Variants in POLE observed in about 807,000 individuals in gnomAD.
POLE encodes the protein DNA polymerase epsilon, catalytic subunit.
POLE carries 188 observed loss-of-function variants against 279.2 expected under a neutral mutation model. The observed-to-expected ratio is 0.67, with a 90% CI of 0.60 to 0.76. POLE has a LOEUF of 0.76. POLE is among the 30% of genes least tolerant of loss of function. The pLI, the probability that POLE is intolerant of heterozygous loss-of-function variation, is 0.00. For synonymous variants in POLE, 1,214 were observed against 1,172.5 expected (o/e 1.04, Z -0.72); for missense variants, 2,703 against 3,016.7 (o/e 0.90, Z 2.44).
At chr12:132,680,840 C>T (rs941086316) in intron 2 of POLE, among the ~76,000 whole-genome samples, 153 bp from the exon 3 acceptor site, 3 of 152,166 alleles carry the variant, frequency 2.0e-5, no homozygotes, top group African/African-American at 7.2e-5. Context: ...CAGCCTTATT[C>T]ACAAGAACCA....
In POLE at chr12:132,680,188, G is replaced by A. The variant is rs878854860; in HGVS notation, c.320C>T (p.Ala107Val). 1.3e-5 allele frequency: 21 copies of A among 1,613,864 alleles called. No homozygotes were observed. Among genetic ancestry groups the A allele is most frequent in the Non-Finnish European group, 1.6e-5 (19 of 1,179,862 alleles). The part of the protein sequence containing the change: ...ALPYKPYFYI[A>V]TRKGCEREVS... ...ATGAAACACACTCACCTTTCTGGTC[G>A]CAATGTAGAAATACGGTTTATAGGG... Residue 107 changes from alanine to valine, a missense_variant, in exon 4 of 49, where the codon GCG becomes GTG. By Grantham distance (64) the Ala-to-Val change is moderately conservative. Transcript: ENST00000320574.
In POLE at chr12:132,624,781, C is replaced by G. The variant is rs540203276; in HGVS notation, c.6777G>C (p.Arg2259=). ...ACATGCCGTAGTGCTGGGCAATGTT[C>G]CGGAATATTCCGATCTGTTCCATGA... is the stretch of plus-strand genomic sequence containing the variant. ...QVFMEQIGIF[R]NIAQHYGMSY... is the part of the protein sequence containing the mutation. Residue 2259 remains arginine (R), a synonymous_variant, in exon 49 of 49, where the codon CGG becomes CGC. Coordinates refer to ENST00000320574, the MANE Select transcript of POLE (RefSeq NM_006231.4). 1 of 1,613,376 alleles carries G rather than the reference C, an allele frequency of 6.2e-7. No homozygotes were observed.
Position 132,632,731 on chromosome 12 carries a change from G to T in POLE, c.6069C>A (p.Thr2023=), listed in dbSNP as rs747547378. Residue 2023 remains threonine, a synonymous_variant, in exon 44 of 49, where the codon ACC becomes ACA. Transcript: ENST00000320574. ...GGCTGGCCCCCCTCCTCCTCACGGG[G>T]GTGCTCCCTGGAGCACTGCGCCTCA... is the stretch of plus-strand genomic sequence containing the variant. The part of the protein sequence containing the change: ...DGLRRSAPGS[T]PVRRRGASQL... 2 of 1,613,366 alleles carry T rather than the reference G, an allele frequency of 1.2e-6. No individual in the cohort carries two copies. Among genetic ancestry groups the T allele is most frequent in the Admixed American group, 1.7e-5 (1 of 60,020 alleles).
At chr12:132,627,547 C>T (rs1027102546) in intron 45 of POLE, among the ~76,000 whole-genome samples, 3 of 152,204 alleles carry the variant, frequency 2.0e-5, no homozygotes, top group Non-Finnish European at 4.4e-5. Context: ...AGTCAACCCA[C>T]CCTGACCTCC....
chr12:132,676,063 C>G lies in POLE; in HGVS notation c.1020+31G>C. ...CCACATGTCCGTTCTTCCCACAATA[C>G]CGGGTAGTTTCCCAAGTGATACCTC... On this transcript the variant is annotated intron_variant, in intron 10 of 48. Transcript: ENST00000320574. 3 of 1,391,390 alleles carry G rather than the reference C, an allele frequency of 2.2e-6. No homozygotes were observed. Among genetic ancestry groups the G allele is most frequent in the Non-Finnish European group, 3.0e-6 (3 of 989,026 alleles). 86.2% of individuals were successfully genotyped at this position (1,391,390 alleles called of 1,614,324 possible). A position where few individuals can be genotyped will look rare whatever the true frequency, so the allele number is the denominator to read the frequency against.
chr12:132,659,245 GTCCGTGATGGGAGGAGCCCTCACCTC>G (rs746468098), intron 26 of POLE, 24 bp downstream of exon 26: 7 of 1,563,482 alleles, frequency 4.5e-6, no homozygotes, highest in Middle Eastern at 1.9e-4. Context: ...GCCCTCACCT[GTCCGTGATGGGAGGAGCCCTCACCTC>G]TCCGTGATGG....
At chr12:132,640,943 C>T (rs1421298270) in intron 39 of POLE, 2 of 456,162 alleles carry the variant, frequency 4.4e-6, no homozygotes, top group African/African-American at 2.0e-5. Context: ...TCCCTCTCCC[C>T]TTTTGTATGG....
chr12:132,672,218 T>G lies in POLE; in HGVS notation c.1791A>C (p.Glu597Asp), dbSNP rs1593069218. 1.2e-6 allele frequency: 2 copies of G among 1,612,294 alleles called. No homozygotes were observed. The highest frequency in any genetic ancestry group is 1.7e-6 in the Non-Finnish European group (2 of 1,178,286). Residue 597 changes from glutamate to aspartate, a missense_variant, in exon 16 of 49, where the codon GAA becomes GAC. By Grantham distance (45) the Glu-to-Asp change is conservative. Transcript: ENST00000320574. ...KVPVEQVTNFEEVCDEIKSKL... is the reference protein window; with the variant it reads ...KVPVEQVTNFDEVCDEIKSKL... ...TTCCTGCCTCCCTGATGGTTACCTC[T>G]TCAAAGTTGGTGACTTGCTCCACAG...
At chr12:132,641,996 T>G in intron 38 of POLE, 145 bp from the exon 39 acceptor site, 1 of 944,404 alleles carries the variant, frequency 1.1e-6, no homozygotes, top group Non-Finnish European at 1.6e-6. Context: ...GCTATTCAGA[T>G]TCCCGAGGGC....
Position 132,657,899 on chromosome 12 carries a change from C to T in POLE, c.3347G>A (p.Ser1116Asn). Residue 1116 changes from serine (S) to asparagine (N), a missense_variant, in exon 27 of 49, where the codon AGC becomes AAC. Ser to Asn is a conservative substitution (Grantham distance 46). Coordinates refer to ENST00000320574, the MANE Select transcript of POLE (RefSeq NM_006231.4). ...RKHFLRKWLK[S>N]SSLQDFDIRA... Reference sequence around the variant, plus strand: ...AATATCAAAGTCTTGAAGGGAAGAGCTCTTGAGCCATTTCCGGAGAAAGTG... The same window carrying T: ...AATATCAAAGTCTTGAAGGGAAGAGTTCTTGAGCCATTTCCGGAGAAAGTG... 3.7e-6 allele frequency: 6 copies of T among 1,614,006 alleles called. No individual in the cohort carries two copies. The highest frequency in any genetic ancestry group is 5.1e-6 in the Non-Finnish European group (6 of 1,179,850).
chr12:132,656,200 T>A (rs2042534179), intron 29 of POLE, among the ~76,000 whole-genome samples: 1 of 151,930 alleles, frequency 6.6e-6, no homozygotes, highest in South Asian at 2.1e-4. Context: ...AGGCAGAAGC[T>A]GCAGTGAGCC....
Position 132,661,166 on chromosome 12 carries a change from TG to T in POLE, c.2865-3del, listed in dbSNP as rs1555225973. 3 of 1,518,772 alleles carry T rather than the reference TG, an allele frequency of 2.0e-6. No individual in the cohort carries two copies. Among genetic ancestry groups the T allele is most frequent in the Non-Finnish European group, 2.6e-6 (3 of 1,136,372 alleles). 94.1% of individuals were successfully genotyped at this position (1,518,772 alleles called of 1,614,324 possible). ...CCGTCTTCATTGAACACAGCATACC[TG>T]AAAAAAAAAAAAAAGGCAAGCACAG... is the stretch of plus-strand genomic sequence containing the variant. On this transcript the variant is annotated splice_region_variant and splice_polypyrimidine_tract_variant and intron_variant, in intron 24 of 48. Coordinates refer to ENST00000320574, the MANE Select transcript of POLE (RefSeq NM_006231.4). This position sits in a 1 kb window ranked among gnomAD's most constrained non-coding sequence, Gnocchi z 4.1.
chr12:132,672,501 A>T (rs1472209582), intron 15 of POLE, 126 bp downstream of exon 15: 7 of 1,141,426 alleles, frequency 6.1e-6, no homozygotes, highest in Admixed American at 4.0e-5. Flanking sequence ...GGGCCAGAGA[A>T]GCCACACCCG....
rs1593785195 is a variant in POLE at position 132,665,313 on chromosome 12, G to A, written c.2457C>T (p.Val819=). 6.2e-7 allele frequency: 1 copy of A among 1,613,782 alleles called. No homozygotes were observed. Among genetic ancestry groups the A allele is most frequent in the Non-Finnish European group, 8.5e-7 (1 of 1,179,874 alleles). ...KCILNSFYGY[V]MRKGARWYSM... ...CCGGGCCCACCTACCCCTTGCGCAT[G>A]ACATAGCCATAGAAGGAGTTCAGGA... The change falls in exon 21 of 49, where the codon GTC becomes GTT. Residue 819 remains valine (V), a synonymous_variant. Coordinates refer to ENST00000320574, the MANE Select transcript of POLE (RefSeq NM_006231.4).
At chr12:132,652,337 T>TA (rs397938190) in intron 29 of POLE, among the ~76,000 whole-genome samples, 8 of 140,120 alleles carry the variant, frequency 5.7e-5, no homozygotes, top group Admixed American at 2.3e-4. Flanking sequence ...TTTTTTTTTT[T>TA]AAAGACACAG....
intron 1 of POLE, among the ~76,000 whole-genome samples, 160 bp downstream of exon 1, chr12:132,687,094 G>A (rs2043291108): frequency 6.6e-6 from 1 of 150,866 alleles, no homozygotes; most frequent in Admixed American, 6.6e-5. Context: ...GAGCCCCTCC[G>A]TCGGCGGTCG....
At position 132,679,837 on chromosome 12, in the gene POLE, C is replaced by T. The variant is rs1369617605; in HGVS notation, c.423+117G>A. The stretch of plus-strand genomic sequence containing the variant: ...TTGGAAGGAATTTTATAGACGGTCA[C>T]CACACCGCCCCATCACCCAACAGAT... On this transcript the variant is annotated intron_variant, in intron 5 of 48. Coordinates refer to ENST00000320574, the MANE Select transcript of POLE (RefSeq NM_006231.4). 6 of 970,640 alleles carry T rather than the reference C, an allele frequency of 6.2e-6. No homozygotes were observed. The Admixed American group carries it at 7.0e-5, about 11-fold the overall frequency. 60.1% of individuals were successfully genotyped at this position (970,640 alleles called of 1,614,324 possible). A position where few individuals can be genotyped will look rare whatever the true frequency, so the allele number is the denominator to read the frequency against.
intron 29 of POLE, among the ~76,000 whole-genome samples, chr12:132,652,330 T>A (rs11608298): frequency 0.055 from 8,269 of 149,446 alleles, 285 homozygotes; most frequent in Non-Finnish European, 0.081. Flanking sequence ...TTTTTTTTTT[T>A]TTTTTTTAAA....
intron 29 of POLE, among the ~76,000 whole-genome samples, chr12:132,651,966 C>G (rs568158626): frequency 4.6e-5 from 7 of 152,210 alleles, no homozygotes; most frequent in Non-Finnish European, 7.3e-5. Flanking sequence ...ATAGCTAACA[C>G]GTTTATGAGC....
Sources: allele counts gnomAD v4.1 joint callset (sites outside exome capture counted in the v4.1 genomes callset), GRCh38; gene constraint gnomAD v4.1.1; non-coding constraint Gnocchi (gnomAD v3.1); transcripts MANE v1.5; gene names NCBI Gene and HGNC (gene_info 2026-07-23, HGNC 2026-07-21).